MSI2: variants seen among roughly 807,000 people sequenced by gnomAD.
The protein encoded by MSI2 is musashi RNA binding protein 2.
In MSI2, 17 loss-of-function variants were observed where a neutral mutation model predicts 45.6. That is an observed-to-expected ratio of 0.37 (90% confidence interval 0.26 to 0.56). The LOEUF (loss-of-function observed/expected upper bound fraction) is 0.56, where lower values mean the gene tolerates loss of function less well. MSI2 is among the 20% of genes least tolerant of loss of function. The pLI, the probability that MSI2 is intolerant of heterozygous loss-of-function variation, is 0.77. For missense variants in MSI2, 293 were observed against 444.2 expected (o/e 0.66, Z 3.06); for synonymous variants, 156 against 158.2 (o/e 0.99, Z 0.11).
At chr17:57,662,204 T>C (rs1912038727) in intron 11 of MSI2, among the ~76,000 whole-genome samples, 1 of 152,172 alleles carries the variant, frequency 6.6e-6, no homozygotes, top group South Asian at 2.1e-4. Context: ...AGACAAATAA[T>C]GCCTTTGAAC....
At chr17:57,600,181 A>G (rs958530248) in intron 8 of MSI2, among the ~76,000 whole-genome samples, 7 of 152,242 alleles carry the variant, frequency 4.6e-5, no homozygotes, top group African/African-American at 1.4e-4. Flanking sequence ...AGAGACTGCC[A>G]AACAAGAACA....
At chr17:57,257,011 C>A (rs370360535) in intron 1 of MSI2, 87 bp from the exon 2 acceptor site, 48 of 1,604,696 alleles carry the variant, frequency 3.0e-5, no homozygotes, top group Non-Finnish European at 3.7e-5. Flanking sequence ...TCGCTCCCCC[C>A]CGCTTTCCTT....
chr17:57,632,368 ACAC>A, intron 10 of MSI2: 1 of 1,066,380 alleles, frequency 9.4e-7, no homozygotes. Flanking sequence ...AGCTATATAA[ACAC>A]TATCTGACTA....
intron 11 of MSI2, among the ~76,000 whole-genome samples, chr17:57,663,166 T>C (rs1458933321): frequency 7.5e-6 from 1 of 133,346 alleles, no homozygotes; most frequent in Admixed American, 7.0e-5. Flanking sequence ...TCTGAGCCAG[T>C]GGCGGGGTGG....
chr17:57,310,283 C>T (rs551170888), intron 5 of MSI2, among the ~76,000 whole-genome samples: 110 of 151,526 alleles, frequency 7.3e-4, no homozygotes, highest in African/African-American at 2.6e-3. Context: ...GGAATGACAG[C>T]GGGCCTGAGA....
rs1369548432 is a variant in MSI2, at chr17:57,675,018, A to G, written c.837A>G (p.Pro279=). Residue 279 remains proline (P), a synonymous_variant, in exon 12 of 14, where the codon CCA becomes CCG. Coordinates refer to ENST00000284073, the MANE Select transcript of MSI2 (RefSeq NM_138962.4). ...RPGGFPGANS[P]GPVADLYGPA... ...GAGGCTTCCCGGGGGCCAACAGCCC[A>G]GGACCTGTCGCCGATCTCTACGGCC... The G allele has an allele frequency of 6.2e-6, 10 of 1,613,866 alleles. No homozygotes were observed. The highest frequency in any genetic ancestry group is 8.5e-6 in the Non-Finnish European group (10 of 1,179,952).
At chr17:57,600,073 A>G (rs1434261494) in intron 8 of MSI2, among the ~76,000 whole-genome samples, 1 of 152,182 alleles carries the variant, frequency 6.6e-6, no homozygotes, top group Non-Finnish European at 1.5e-5. Flanking sequence ...GGTTTTTGTG[A>G]TACTGGTTTC....
chr17:57,644,349 T>A (rs1910490863), intron 10 of MSI2, among the ~76,000 whole-genome samples: 1 of 151,958 alleles, frequency 6.6e-6, no homozygotes, highest in South Asian at 2.1e-4. Context: ...TGTGAGTCCC[T>A]TGGTCCTCCC....
intron 6 of MSI2, among the ~76,000 whole-genome samples, chr17:57,409,070 T>C (rs1187351117): frequency 6.6e-6 from 1 of 152,212 alleles, no homozygotes; most frequent in East Asian, 1.9e-4. Context: ...TTGGTATTTG[T>C]GAATTAGCTA....
chr17:57,558,906 C>CA (rs369249343), intron 7 of MSI2, among the ~76,000 whole-genome samples: 189 of 151,702 alleles, frequency 1.2e-3, no homozygotes, highest in African/African-American at 4.4e-3. Context: ...ACTAAAAATA[C>CA]AAAAAAAACA....
chr17:57,643,501 G>C (rs988394173), intron 10 of MSI2, among the ~76,000 whole-genome samples: 1 of 152,250 alleles, frequency 6.6e-6, no homozygotes, highest in Non-Finnish European at 1.5e-5. Context: ...TGTTTCCTGA[G>C]TGCTTCCCAG....
intron 7 of MSI2, among the ~76,000 whole-genome samples, chr17:57,570,911 C>G (rs1319396453): frequency 6.6e-6 from 1 of 152,056 alleles, no homozygotes; most frequent in Non-Finnish European, 1.5e-5. Flanking sequence ...CCCAGGACAT[C>G]TGGGAGAAAG....
At chr17:57,356,447 G>A (rs983157108) in intron 5 of MSI2, among the ~76,000 whole-genome samples, 5 of 152,072 alleles carry the variant, frequency 3.3e-5, no homozygotes, top group Non-Finnish European at 5.9e-5. Flanking sequence ...TTAGCAATCC[G>A]ACATAGACAT....
chr17:57,406,818 A>G (rs1057385929), intron 6 of MSI2: 8 of 152,252 alleles, frequency 5.3e-5, no homozygotes, highest in East Asian at 3.9e-4. Context: ...GTCATTTCCA[A>G]TTCAGTGGGC....
chr17:57,257,134 A>G lies in MSI2; in HGVS notation c.99A>G (p.Ser33=). The change falls in exon 2 of 14, where the codon TCA becomes TCG. Residue 33 remains serine, a synonymous_variant. Transcript: ENST00000284073. ...TCGGTGGACTGAGCTGGCAGACCTC[A>G]CCAGGTAAGGGAGGGAGGGGGGGAC... ...MFIGGLSWQT[S]PDSLRDYFSK... 1 of 564,758 alleles carries G rather than the reference A, an allele frequency of 1.8e-6. No homozygotes were observed. The highest frequency in any genetic ancestry group is 1.5e-5 in the South Asian group (1 of 68,290). 35.0% of individuals were successfully genotyped at this position (564,758 alleles called of 1,614,324 possible).
At chr17:57,303,211 T>C (rs1408741256) in intron 5 of MSI2, among the ~76,000 whole-genome samples, 1 of 152,214 alleles carries the variant, frequency 6.6e-6, no homozygotes, top group Non-Finnish European at 1.5e-5. Flanking sequence ...GCTGAGTGCT[T>C]TCCTGTGAAA....
chr17:57,378,038 G>A (rs2083530941), intron 5 of MSI2, among the ~76,000 whole-genome samples: 1 of 149,844 alleles, frequency 6.7e-6, no homozygotes, highest in Non-Finnish European at 1.5e-5. Flanking sequence ...TTGCACCACT[G>A]CACTCCAGCC....
At chr17:57,660,763 G>A (rs988462768) in intron 11 of MSI2, among the ~76,000 whole-genome samples, 5 of 152,134 alleles carry the variant, frequency 3.3e-5, no homozygotes, top group African/African-American at 9.7e-5. Flanking sequence ...ACCAGACCTC[G>A]GGACAATGGA....
At chr17:57,392,685 G>A (rs538138611) in intron 5 of MSI2, among the ~76,000 whole-genome samples, 31 of 152,142 alleles carry the variant, frequency 2.0e-4, no homozygotes, top group African/African-American at 6.3e-4. Context: ...TTTAGCAATC[G>A]GCAACGTAAA....
Sources: allele counts gnomAD v4.1 joint callset (sites outside exome capture counted in the v4.1 genomes callset), GRCh38; gene constraint gnomAD v4.1.1; transcripts MANE v1.5; gene names NCBI Gene and HGNC (gene_info 2026-07-23, HGNC 2026-07-21).